The following SH3BP5 variants were observed in gnomAD, a reference collection of about 807,000 sequenced individuals.
The protein encoded by SH3BP5 is SH3 domain-binding protein 5.
SH3BP5 carries 22 observed loss-of-function variants against 43.3 expected under a neutral mutation model. That is an observed-to-expected ratio of 0.51 (90% confidence interval 0.36 to 0.73). SH3BP5 has a LOEUF of 0.73. Ranked by LOEUF, SH3BP5 falls within the 30% of genes least tolerant of loss-of-function variation. SH3BP5 has a pLI of 0.00. For missense variants in SH3BP5, 529 were observed against 586.9 expected (o/e 0.90, Z 1.02); for synonymous variants, 255 against 225.8 (o/e 1.13, Z -1.16).
At chr3:15,287,492 G>A (rs981910991) in intron 3 of SH3BP5, among the ~76,000 whole-genome samples, 2 of 152,230 alleles carry the variant, frequency 1.3e-5, no homozygotes, top group African/African-American at 4.8e-5. Context: ...AGAACTTTCT[G>A]CAATAATGGA....
chr3:15,298,455 G>C (rs1697637941), intron 3 of SH3BP5, among the ~76,000 whole-genome samples: 1 of 152,164 alleles, frequency 6.6e-6, no homozygotes, highest in African/African-American at 2.4e-5. Context: ...CACAAAACAG[G>C]CAACTTTCAG....
At chr3:15,310,235 T>C (rs1698020789) in intron 2 of SH3BP5, among the ~76,000 whole-genome samples, 1 of 152,208 alleles carries the variant, frequency 6.6e-6, no homozygotes, top group African/African-American at 2.4e-5. Flanking sequence ...CCACTTGAGA[T>C]GTTTAAGAGG....
At position 15,296,343 on chromosome 3, in the gene SH3BP5, C is replaced by T. The variant is rs577273114; in HGVS notation, c.330+7760G>A. 3.1e-4 allele frequency among the ~76,000 whole-genome samples: 43 copies of T among 139,420 alleles called. 1 individual carries two copies. The highest frequency in any genetic ancestry group is 4.3e-4 in the South Asian group (2 of 4,686). 91.5% of individuals were successfully genotyped at this position (139,420 alleles called of 152,430 possible). A position where few individuals can be genotyped will look rare whatever the true frequency, so the allele number is the denominator to read the frequency against. The stretch of plus-strand genomic sequence containing the variant: ...ATACCTCAAATGGGGAAATCATATA[C>T]ACACACACACACACACACACACACA... On this transcript the variant is annotated intron_variant, in intron 3 of 8. Coordinates refer to ENST00000383791, the MANE Select transcript of SH3BP5 (RefSeq NM_004844.5).
chr3:15,305,550 A>T (rs1697879875), intron 2 of SH3BP5, among the ~76,000 whole-genome samples: 1 of 152,200 alleles, frequency 6.6e-6, no homozygotes, highest in Non-Finnish European at 1.5e-5. Context: ...GCGCCAGACC[A>T]TGTATTAGAG....
intron 2 of SH3BP5, among the ~76,000 whole-genome samples, chr3:15,316,730 G>A (rs1422331721): frequency 3.4e-5 from 5 of 147,190 alleles, no homozygotes; most frequent in Non-Finnish European, 3.0e-5. Context: ...CTATGAAATG[G>A]AAAAAAAAAA....
chr3:15,307,129 C>T (rs1697932417), intron 2 of SH3BP5, among the ~76,000 whole-genome samples: 1 of 152,202 alleles, frequency 6.6e-6, no homozygotes, highest in Non-Finnish European at 1.5e-5. Context: ...AGCTTTACCT[C>T]CCATGGGAGC....
At position 15,326,666 on chromosome 3, in the gene SH3BP5, C is replaced by T. The variant is rs150749152; in HGVS notation, c.201+3838G>A. Among the ~76,000 whole-genome samples the T allele has an allele frequency of 2.0e-3, 300 of 152,332 alleles. 2 individuals carry two copies. Among genetic ancestry groups the T allele is most frequent in the Middle Eastern group, 6.8e-3 (2 of 294 alleles). On this transcript the variant is annotated intron_variant, in intron 2 of 8. Transcript: ENST00000383791. ...CATTCACCGACATACACAGGAGCGA[C>T]GTTCTGCCTCCTGCTTTCAGTGCCC...
At chr3:15,302,586 T>C (rs1697782185) in intron 3 of SH3BP5, among the ~76,000 whole-genome samples, 1 of 152,082 alleles carries the variant, frequency 6.6e-6, no homozygotes, top group Non-Finnish European at 1.5e-5. Context: ...AGGGGCTCCC[T>C]TGAAGAGAAA....
intron 6 of SH3BP5, chr3:15,259,307 A>T: frequency 1.8e-6 from 1 of 568,530 alleles, no homozygotes; most frequent in Non-Finnish European, 3.1e-6. Flanking sequence ...CCCATCAGGG[A>T]AGCAAAAATG....
intron 6 of SH3BP5, 87 bp from the exon 7 acceptor site, chr3:15,259,137 C>A: frequency 9.4e-7 from 1 of 1,063,140 alleles, no homozygotes; most frequent in Non-Finnish European, 1.4e-6. Context: ...ACATTTTCTG[C>A]CCATCATTCT....
At chr3:15,275,354 G>A (rs1040760267) in intron 3 of SH3BP5, among the ~76,000 whole-genome samples, 5 of 152,204 alleles carry the variant, frequency 3.3e-5, no homozygotes, top group Admixed American at 3.3e-4. Flanking sequence ...TCACAATCCC[G>A]GAGAGAGCTG....
intron 3 of SH3BP5, among the ~76,000 whole-genome samples, chr3:15,287,076 A>G (rs1056306558): frequency 6.6e-6 from 1 of 152,180 alleles, no homozygotes; most frequent in African/African-American, 2.4e-5. Context: ...TGCCTCAGTT[A>G]CCTCACCTGC....
chr3:15,294,843 C>T (rs1053767652), intron 3 of SH3BP5, among the ~76,000 whole-genome samples: 3 of 152,180 alleles, frequency 2.0e-5, no homozygotes, highest in African/African-American at 4.8e-5. Context: ...TAGGCTGAGG[C>T]GTAAGGCACC....
chr3:15,305,169 T>C (rs899845470), intron 2 of SH3BP5, among the ~76,000 whole-genome samples: 4 of 152,094 alleles, frequency 2.6e-5, no homozygotes, highest in Non-Finnish European at 5.9e-5. Flanking sequence ...TTAACATGGC[T>C]AGCAACTACT....
intron 3 of SH3BP5, among the ~76,000 whole-genome samples, chr3:15,293,749 T>C (rs1190299885): frequency 6.6e-6 from 1 of 152,134 alleles, no homozygotes; most frequent in Non-Finnish European, 1.5e-5. Context: ...TCCCCAAGCC[T>C]CAGTGATTAT....
intron 3 of SH3BP5, among the ~76,000 whole-genome samples, chr3:15,282,072 T>C (rs552445735): frequency 2.0e-5 from 3 of 152,202 alleles, no homozygotes; most frequent in East Asian, 1.9e-4. Flanking sequence ...ACCAGGACAA[T>C]TGAGCCACTA....
At chr3:15,316,590 C>CA (rs1269591789) in intron 2 of SH3BP5, among the ~76,000 whole-genome samples, 1 of 151,856 alleles carries the variant, frequency 6.6e-6, no homozygotes, top group South Asian at 2.1e-4. Flanking sequence ...GAACCAATTA[C>CA]AAAAAAATGT....
intron 5 of SH3BP5, among the ~76,000 whole-genome samples, chr3:15,260,872 G>A (rs894266180): frequency 6.6e-6 from 1 of 152,174 alleles, no homozygotes; most frequent in African/African-American, 2.4e-5. Flanking sequence ...TACTCTTCTC[G>A]GAGTCTGAAA....
At chr3:15,326,334 C>T (rs147188183) in intron 2 of SH3BP5, among the ~76,000 whole-genome samples, 16 of 152,254 alleles carry the variant, frequency 1.1e-4, no homozygotes, top group African/African-American at 2.9e-4. Context: ...AAATGTGGGC[C>T]TCAGGAGCAA....
Sources: gnomAD v4.1 joint callset for allele counts (sites outside exome capture counted in the v4.1 genomes callset) on GRCh38, gnomAD v4.1.1 for gene constraint, MANE v1.5 for transcripts, NCBI Gene and HGNC (gene_info 2026-07-23, HGNC 2026-07-21) for gene names.